The following ADGRB3 variants were observed in gnomAD, a reference collection of about 807,000 sequenced individuals.
The protein encoded by ADGRB3 is brain-specific angiogenesis inhibitor 3.
ADGRB3 carries 37 observed loss-of-function variants against 193.4 expected under a neutral mutation model. That is an observed-to-expected ratio of 0.19 (90% CI 0.15 to 0.25). The LOEUF (loss-of-function observed/expected upper bound fraction) is 0.25. ADGRB3 is among the 10% of genes least tolerant of loss of function. The probability of loss-of-function intolerance (pLI) is 1.00; values close to 1 mark genes in which losing one functional copy is unlikely to be tolerated. For synonymous variants in ADGRB3, 690 were observed against 644.2 expected, an observed-to-expected ratio of 1.07 and a Z score of -1.08; for missense variants, 1,637 against 1,852.9, an observed-to-expected ratio of 0.88 and a Z score of 2.14.
intron 3 of ADGRB3, among the ~76,000 whole-genome samples, chr6:68,727,603 C>T (rs566940702): frequency 2.8e-4 from 42 of 151,528 alleles, no homozygotes; most frequent in African/African-American, 8.2e-4. Context: ...AAAAGTCACT[C>T]TTTAGACTAA....
In ADGRB3 at chr6:68,898,663, A is replaced by G. The variant is rs573678893; in HGVS notation, c.758-31896A>G. 2.0e-5 allele frequency among the ~76,000 whole-genome samples: 3 copies of G among 152,252 alleles called. No homozygotes were observed. In the East Asian group the frequency reaches 5.8e-4, roughly 29 times the overall value. On this transcript the variant is annotated intron_variant, in intron 3 of 31. Coordinates refer to ENST00000370598, the MANE Select transcript of ADGRB3 (RefSeq NM_001704.3). ...AAGAGTACAGTGTGGAAAAGGGGAA[A>G]GTAGAATAACTTTGCAGTCGAGAAA...
intron 3 of ADGRB3, among the ~76,000 whole-genome samples, chr6:68,697,163 G>A (rs1236719041): frequency 6.6e-6 from 1 of 151,940 alleles, no homozygotes; most frequent in African/African-American, 2.4e-5. Context: ...GTTTTACACT[G>A]TTCTCTCTTG....
intron 3 of ADGRB3, among the ~76,000 whole-genome samples, chr6:68,860,843 T>C (rs563046072): frequency 6.6e-6 from 1 of 151,548 alleles, no homozygotes; most frequent in African/African-American, 2.4e-5. Context: ...CTTGTACTGA[T>C]ATATAGCAAA....
At chr6:69,353,233 A>T (rs997009025) in intron 26 of ADGRB3, among the ~76,000 whole-genome samples, 19 of 152,242 alleles carry the variant, frequency 1.2e-4, no homozygotes, top group African/African-American at 4.6e-4. Context: ...GAATTAATGT[A>T]ATGTTCTTAG....
intron 3 of ADGRB3, among the ~76,000 whole-genome samples, chr6:68,831,941 C>T (rs1290008819): frequency 6.6e-6 from 1 of 152,104 alleles, no homozygotes; most frequent in Non-Finnish European, 1.5e-5. Context: ...GATCCGAGCC[C>T]AAATGGACAT....
At chr6:68,922,424 C>T (rs1767069204) in intron 3 of ADGRB3, among the ~76,000 whole-genome samples, 1 of 152,128 alleles carries the variant, frequency 6.6e-6, no homozygotes, top group Admixed American at 6.5e-5. Flanking sequence ...AGATGTGGAT[C>T]GAAATAACTT....
In ADGRB3 at chr6:68,773,999, C is replaced by T. The variant is rs185213292; in HGVS notation, c.757+134567C>T. ...TAACTAAGAGGAGAGCTGGAAAAGA[C>T]GATGAAGGGCCTTGACATCTAAATT... On this transcript the variant is annotated intron_variant, in intron 3 of 31. Transcript: ENST00000370598. 1.9e-3 allele frequency among the ~76,000 whole-genome samples: 286 copies of T among 152,090 alleles called. 1 individual carries two copies. The highest frequency in any genetic ancestry group is 0.014 in the Middle Eastern group (4 of 294).
chr6:68,885,119 C>A (rs191288839), intron 3 of ADGRB3, among the ~76,000 whole-genome samples: 1 of 152,092 alleles, frequency 6.6e-6, no homozygotes, highest in South Asian at 2.1e-4. Context: ...AATGATTGGT[C>A]AGAGGTCCCC....
chr6:69,190,374 C>T (rs1479915697), intron 17 of ADGRB3, among the ~76,000 whole-genome samples: 2 of 150,906 alleles, frequency 1.3e-5, no homozygotes, highest in African/African-American at 2.4e-5. Flanking sequence ...TTTTTAACAA[C>T]AACAACAAAA....
At chr6:68,753,773 C>A (rs999465067) in intron 3 of ADGRB3, among the ~76,000 whole-genome samples, 1 of 152,076 alleles carries the variant, frequency 6.6e-6, no homozygotes. Context: ...AATAAAGCAG[C>A]CTGGTGCTGG....
intron 3 of ADGRB3, among the ~76,000 whole-genome samples, chr6:68,641,322 G>A (rs1561980077): frequency 6.6e-6 from 1 of 152,126 alleles, no homozygotes; most frequent in Non-Finnish European, 1.5e-5. Context: ...ATCCCGAGAT[G>A]TGGGTTAAGA....
chr6:69,007,687 TCTCTCTCACACA>T (rs1245574853), intron 11 of ADGRB3, among the ~76,000 whole-genome samples: 228 of 81,622 alleles, frequency 2.8e-3, no homozygotes, highest in Admixed American at 4.5e-3. Flanking sequence ...TCTCTCTCTC[TCTCTCTCACACA>T]CACACACACA....
chr6:68,902,714 G>A (rs1189981236), intron 3 of ADGRB3, among the ~76,000 whole-genome samples: 2 of 151,952 alleles, frequency 1.3e-5, no homozygotes, highest in Non-Finnish European at 2.9e-5. Context: ...ATATAATCAT[G>A]TGATTCTGTT....
chr6:68,705,650 G>A (rs1359158381), intron 3 of ADGRB3, among the ~76,000 whole-genome samples: 1 of 152,206 alleles, frequency 6.6e-6, no homozygotes, highest in East Asian at 1.9e-4. Context: ...GGTGTGGGCA[G>A]TGCTAAGTGG....
At position 69,018,386 on chromosome 6, in the gene ADGRB3, T is replaced by A. The variant is rs1770159178; in HGVS notation, c.1999-5T>A. ...ATTCCTTCTAACCTTTGCTTATTTT[T>A]CTAGATTTATCCAGGGTCAATAGAG... On this transcript the variant is annotated splice_polypyrimidine_tract_variant and splice_region_variant and intron_variant, in intron 12 of 31. Transcript: ENST00000370598. The A allele has an allele frequency of 6.4e-7, 1 of 1,568,086 alleles. No homozygotes were observed. Among genetic ancestry groups the A allele is most frequent in the African/African-American group, 1.4e-5 (1 of 73,664 alleles).
At chr6:68,722,697 A>G (rs1356818082) in intron 3 of ADGRB3, among the ~76,000 whole-genome samples, 2 of 151,498 alleles carry the variant, frequency 1.3e-5, no homozygotes, top group Non-Finnish European at 3.0e-5. Flanking sequence ...GTTCCTAAAA[A>G]GCACTTTATT....
intron 19 of ADGRB3, among the ~76,000 whole-genome samples, chr6:69,235,548 T>A (rs2127258449): frequency 6.6e-6 from 1 of 152,196 alleles, no homozygotes; most frequent in South Asian, 2.1e-4. Flanking sequence ...TACTTAAGTT[T>A]CAAACACATG....
intron 3 of ADGRB3, among the ~76,000 whole-genome samples, chr6:68,847,546 T>C (rs930278292): frequency 6.6e-6 from 1 of 152,156 alleles, no homozygotes; most frequent in African/African-American, 2.4e-5. Flanking sequence ...CAAGATCTAA[T>C]GGGTTTATCA....
intron 3 of ADGRB3, among the ~76,000 whole-genome samples, chr6:68,858,492 A>G (rs548819255): frequency 1.7e-5 from 2 of 117,164 alleles, no homozygotes; most frequent in South Asian, 6.2e-4. Context: ...TGACAGTGCA[A>G]CACTCCAAAA....
Sources: gnomAD v4.1 joint callset for allele counts (sites outside exome capture counted in the v4.1 genomes callset) on GRCh38, gnomAD v4.1.1 for gene constraint, MANE v1.5 for transcripts, NCBI Gene and HGNC (gene_info 2026-07-23, HGNC 2026-07-21) for gene names.